ZNF791: variants seen among roughly 807,000 people sequenced by gnomAD.
ZNF791 encodes the protein zinc finger protein 791.
Under a neutral mutation model 11.5 loss-of-function variants are expected in ZNF791, and 4 were observed. The ratio of observed to expected loss-of-function variants is 0.35; its 90% CI spans 0.17 to 0.80. ZNF791 has a LOEUF of 0.80. ZNF791 is among the 30% of genes least tolerant of loss of function. ZNF791 has a pLI of 0.53. For missense variants in ZNF791, 559 were observed against 699.4 expected (o/e 0.80, Z 2.26); for synonymous variants, 212 against 228.1 (o/e 0.93, Z 0.64).
Position 12,628,231 on chromosome 19 carries a change from C to G in ZNF791, c.702C>G (p.His234Gln). ...GTTGTTCCAGTTCTATTCGAGTACA[C>G]GAAAGAACTCACACTGGAGAGAAAC... is the stretch of plus-strand genomic sequence containing the variant. ...AFSCSSSIRVHERTHTGEKPY... is the reference protein window; with the variant it reads ...AFSCSSSIRVQERTHTGEKPY... Residue 234 changes from histidine (H) to glutamine (Q), a missense_variant, in exon 4 of 4, where the codon CAC becomes CAG. Physicochemically the swap from His to Gln is conservative, Grantham distance 24. Transcript: ENST00000343325. 6.2e-7 allele frequency: 1 copy of G among 1,613,314 alleles called. No individual in the cohort carries two copies. The highest frequency in any genetic ancestry group is 8.5e-7 in the Non-Finnish European group (1 of 1,179,728).
intron 1 of ZNF791, among the ~76,000 whole-genome samples, chr19:12,612,558 C>T (rs943546927): frequency 6.7e-6 from 1 of 150,344 alleles, no homozygotes; most frequent in Non-Finnish European, 1.5e-5. Flanking sequence ...TCTCCTGCCT[C>T]AACCTCCCAA....
At chr19:12,617,331 G>A (rs977127061) in intron 1 of ZNF791, among the ~76,000 whole-genome samples, 17 of 151,714 alleles carry the variant, frequency 1.1e-4, no homozygotes, top group South Asian at 4.2e-4. Context: ...TCACCATGTT[G>A]GCCAGGCTGG....
chr19:12,611,201 G>GT, intron 1 of ZNF791, 119 bp downstream of exon 1: 1 of 1,363,226 alleles, frequency 7.3e-7, no homozygotes, highest in Non-Finnish European at 1.0e-6. Context: ...CAAGCGTCCT[G>GT]TCCCGTCCCT....
chr19:12,620,903 T>C (rs558609937), intron 1 of ZNF791, among the ~76,000 whole-genome samples: 1 of 151,552 alleles, frequency 6.6e-6, no homozygotes, highest in Non-Finnish European at 1.5e-5. Flanking sequence ...TGAGATTACA[T>C]GCATGCACCA....
chr19:12,626,578 C>G (rs962499816), intron 3 of ZNF791, among the ~76,000 whole-genome samples: 2 of 152,128 alleles, frequency 1.3e-5, no homozygotes, highest in African/African-American at 4.8e-5. Context: ...GCCACCATGC[C>G]AAGGTGTGGA....
At chr19:12,614,877 G>A (rs891011241) in intron 1 of ZNF791, among the ~76,000 whole-genome samples, 3 of 113,928 alleles carry the variant, frequency 2.6e-5, no homozygotes, top group African/African-American at 3.4e-5. Context: ...ACAGGTGTGA[G>A]CCACTGCGTC....
chr19:12,621,069 TC>T (rs2023335942), intron 1 of ZNF791, among the ~76,000 whole-genome samples: 1 of 152,064 alleles, frequency 6.6e-6, no homozygotes, highest in Non-Finnish European at 1.5e-5. Context: ...GATTTTATGT[TC>T]TTTTGGAGGT....
intron 1 of ZNF791, among the ~76,000 whole-genome samples, chr19:12,620,550 T>C (rs2023323421): frequency 6.6e-6 from 1 of 152,070 alleles, no homozygotes; most frequent in Non-Finnish European, 1.5e-5. Context: ...GATGGACTTG[T>C]CACGAGGGAG....
At chr19:12,624,968 T>C (rs1046384114) in intron 3 of ZNF791, among the ~76,000 whole-genome samples, 1 of 151,430 alleles carries the variant, frequency 6.6e-6, no homozygotes, top group Non-Finnish European at 1.5e-5. Context: ...GAGAATTACT[T>C]GAATCCAGGA....
rs2023484312 is a variant in ZNF791 at position 12,630,088 on chromosome 19, A to G, written c.*828A>G. 2 of 151,058 alleles carry G rather than the reference A, an allele frequency of 1.3e-5. No individual in the cohort carries two copies. Among genetic ancestry groups the G allele is most frequent in the Non-Finnish European group, 2.9e-5 (2 of 67,972 alleles). The allele number at this position is 151,058 out of a possible 1,614,324, so 9.4% of individuals were successfully genotyped here. A position where few individuals can be genotyped will look rare whatever the true frequency, so the allele number is the denominator to read the frequency against. ...GGCAGGAGGATTGCCTGAGCCCAGG[A>G]GTTCAAGGCTACAGTGAACCAAGAT... On this transcript the variant is annotated 3_prime_UTR_variant, in exon 4 of 4. Transcript: ENST00000343325.
At position 12,630,569 on chromosome 19, in the gene ZNF791, CAGTA is replaced by C. The variant is rs2023491135; in HGVS notation, c.*1312_*1315del. 1 of 151,880 alleles carries C rather than the reference CAGTA, an allele frequency of 6.6e-6. No individual in the cohort carries two copies. The highest frequency in any genetic ancestry group is 1.5e-5 in the Non-Finnish European group (1 of 68,002). 9.4% of individuals were successfully genotyped at this position (151,880 alleles called of 1,614,324 possible). On this transcript the variant is annotated 3_prime_UTR_variant, in exon 4 of 4. Transcript: ENST00000343325. Reference sequence around the variant, plus strand: ...AGAATGTATTCCTGTGTTTTTTTAACAGTAAGACAGTCTCAGGCAGGTCCTTAAG... The same window carrying C: ...AGAATGTATTCCTGTGTTTTTTTAACAGACAGTCTCAGGCAGGTCCTTAAG...
chr19:12,629,143 C>T lies in ZNF791; in HGVS notation c.1614C>T (p.Ser538=), dbSNP rs200642589. The change falls in exon 4 of 4, where the codon TCC becomes TCT. Residue 538 remains serine (S), a synonymous_variant. Coordinates refer to ENST00000343325, the MANE Select transcript of ZNF791 (RefSeq NM_153358.3). ...GGAAGGCCTTTAGTCTTCACAGTTC[C>T]TTTCAAAGACATACAAGAATTCACA... is the stretch of plus-strand genomic sequence containing the variant. ...ECGKAFSLHS[S]FQRHTRIHNY... is the part of the protein sequence containing the mutation. 5 of 1,600,174 alleles carry T rather than the reference C, an allele frequency of 3.1e-6. No homozygotes were observed. Among genetic ancestry groups the T allele is most frequent in the Non-Finnish European group, 4.3e-6 (5 of 1,174,830 alleles).
At chr19:12,617,794 G>T (rs1262117978) in intron 1 of ZNF791, among the ~76,000 whole-genome samples, 4 of 131,660 alleles carry the variant, frequency 3.0e-5, no homozygotes, top group African/African-American at 1.2e-4. Flanking sequence ...TGGAGACAGG[G>T]TATTACCCTG....
rs2023524317 is a variant in ZNF791 at position 12,633,600 on chromosome 19, CAAGCT to C, written c.*4341_*4345del. On this transcript the variant is annotated 3_prime_UTR_variant, in exon 4 of 4. Coordinates refer to ENST00000343325, the MANE Select transcript of ZNF791 (RefSeq NM_153358.3). ...GTGTTGGTTTCCACAGTTGTCTCCA[CAAGCT>C]CCGCATCAAAGATCCACGTACAGTT... 6.6e-6 allele frequency: 1 copy of C among 152,188 alleles called. No homozygotes were observed. Among genetic ancestry groups the C allele is most frequent in the Non-Finnish European group, 1.5e-5 (1 of 68,030 alleles). 9.4% of individuals were successfully genotyped at this position (152,188 alleles called of 1,614,324 possible). A position where few individuals can be genotyped will look rare whatever the true frequency, so the allele number is the denominator to read the frequency against.
intron 1 of ZNF791, among the ~76,000 whole-genome samples, chr19:12,620,754 C>CTTTTTTTTTTTTTTTTTTTTTTTTTT (rs1051381342): frequency 1.2e-5 from 1 of 83,452 alleles, no homozygotes; most frequent in Non-Finnish European, 2.1e-5. Context: ...GATTTATGTT[C>CTTTTTTTTTTTTTTTTTTTTTTTTTT]TTTTTTTTTT....
At position 12,627,877 on chromosome 19, in the gene ZNF791, T is replaced by G. The variant is rs1395191588; in HGVS notation, c.348T>G (p.Thr116=). 6.2e-7 allele frequency: 1 copy of G among 1,614,040 alleles called. No homozygotes were observed. The highest frequency in any genetic ancestry group is 1.3e-5 in the African/African-American group (1 of 74,922). Residue 116 remains threonine (T), a synonymous_variant, in exon 4 of 4, where the codon ACT becomes ACG. Transcript: ENST00000343325. The part of the protein sequence containing the change: ...GKAFMRLSSL[T]RHMRSHTGYE... ...CCTTCATGCGTCTCTCATCCCTTAC[T>G]AGACACATGAGGTCTCACACTGGAT...
At position 12,633,208 on chromosome 19, in the gene ZNF791, T is replaced by A. The variant is rs757766005; in HGVS notation, c.*3948T>A. 1 of 152,304 alleles carries A rather than the reference T, an allele frequency of 6.6e-6. No homozygotes were observed. The highest frequency in any genetic ancestry group is 1.9e-4 in the East Asian group (1 of 5,196). 9.4% of individuals were successfully genotyped at this position (152,304 alleles called of 1,614,324 possible). On this transcript the variant is annotated 3_prime_UTR_variant, in exon 4 of 4. Coordinates refer to ENST00000343325, the MANE Select transcript of ZNF791 (RefSeq NM_153358.3). ...ATGTGAAGTTTATCATATATTCTTA[T>A]GCGAATTATTATTTTCGCCTTTTTT... is the stretch of plus-strand genomic sequence containing the variant.
intron 1 of ZNF791, among the ~76,000 whole-genome samples, chr19:12,622,646 G>A (rs555322594): frequency 1.6e-4 from 24 of 151,668 alleles, no homozygotes; most frequent in Non-Finnish European, 3.1e-4. Flanking sequence ...TGTAATCCCA[G>A]CACTTTGGGT....
In ZNF791 at chr19:12,628,891, G is replaced by C. The variant is rs79380096; in HGVS notation, c.1362G>C (p.Ala454=). Residue 454 remains alanine (A), a synonymous_variant, in exon 4 of 4, where the codon GCG becomes GCC. Coordinates refer to ENST00000343325, the MANE Select transcript of ZNF791 (RefSeq NM_153358.3). ...DCGKVFIFPS[A]LRTHERTHTG... Reference sequence around the variant, plus strand: ...GGAAGGTGTTCATTTTTCCTAGTGCGTTACGAACACATGAAAGAACTCACA... The same window carrying C: ...GGAAGGTGTTCATTTTTCCTAGTGCCTTACGAACACATGAAAGAACTCACA... 4.4e-6 allele frequency: 7 copies of C among 1,602,204 alleles called. No individual in the cohort carries two copies. Among genetic ancestry groups the C allele is most frequent in the Non-Finnish European group, 6.0e-6 (7 of 1,175,368 alleles).
Sources: allele counts gnomAD v4.1 joint callset (sites outside exome capture counted in the v4.1 genomes callset), GRCh38; gene constraint gnomAD v4.1.1; transcripts MANE v1.5; gene names NCBI Gene and HGNC (gene_info 2026-07-23, HGNC 2026-07-21).